The following CCDC68 variants were observed in gnomAD, a reference collection of about 807,000 sequenced individuals.
CCDC68 encodes coiled-coil domain-containing protein 68.
CCDC68 carries 45 observed loss-of-function variants against 47.1 expected under a neutral mutation model. The ratio of observed to expected loss-of-function variants is 0.96; its 90% CI spans 0.75 to 1.23. The LOEUF (loss-of-function observed/expected upper bound fraction) is 1.23. CCDC68 is among the 50% of genes most tolerant of loss of function. The probability of loss-of-function intolerance (pLI) is 0.00; values close to 1 mark genes in which losing one functional copy is unlikely to be tolerated. For missense variants in CCDC68, 353 were observed against 373.6 expected (o/e 0.94, Z 0.45); for synonymous variants, 131 against 129.5 (o/e 1.01, Z -0.08).
intron 3 of CCDC68, among the ~76,000 whole-genome samples, chr18:54,941,455 T>C (rs564333501): frequency 2.6e-5 from 4 of 152,082 alleles, no homozygotes; most frequent in South Asian, 4.1e-4. Context: ...AATTACTACT[T>C]AGTAATCACT....
rs1181494012 is a variant in CCDC68, at chr18:54,902,494, A to G, written c.*1864T>C. ...TTCCTACAAGTGTGCCTGAAAATGT[A>G]TCATGAAGAAATTCTTCAATGTGAC... On this transcript the variant is annotated 3_prime_UTR_variant, in exon 12 of 12. Transcript: ENST00000591504. 1.3e-5 allele frequency: 2 copies of G among 151,440 alleles called. No individual in the cohort carries two copies. The highest frequency in any genetic ancestry group is 3.9e-4 in the East Asian group (2 of 5,186). The allele number at this position is 151,440 out of a possible 1,614,324, so 9.4% of individuals were successfully genotyped here.
Position 54,904,084 on chromosome 18 carries a change from AT to A in CCDC68, c.*273del, listed in dbSNP as rs11298512. 0.66 allele frequency: 152,537 copies of A among 232,332 alleles called. 44,768 individuals carry two copies. The highest frequency in any genetic ancestry group is 0.73 in the Admixed American group (13,317 of 18,210). 14.4% of individuals were successfully genotyped at this position (232,332 alleles called of 1,614,324 possible). ...AAAAAAATCTGAAAACAAGATTCAG[AT>A]TTTTTTTTTTTTTTAATTTAAAGCA... On this transcript the variant is annotated 3_prime_UTR_variant, in exon 12 of 12. Coordinates refer to ENST00000591504, the MANE Select transcript of CCDC68 (RefSeq NM_025214.3).
At chr18:54,945,533 G>A (rs532311944) in intron 1 of CCDC68, 56 bp from the exon 2 acceptor site, 54 of 146,026 alleles carry the variant, frequency 3.7e-4, no homozygotes, top group African/African-American at 1.3e-3. Flanking sequence ...TTGTGAGCTA[G>A]GCTGCAAAAA....
chr18:54,936,531 C>A (rs188360170), intron 6 of CCDC68, among the ~76,000 whole-genome samples: 25 of 152,094 alleles, frequency 1.6e-4, no homozygotes, highest in African/African-American at 5.3e-4. Flanking sequence ...AGAGAAGTTA[C>A]CAGCCCAGCT....
intron 3 of CCDC68, among the ~76,000 whole-genome samples, chr18:54,941,730 C>T (rs190234142): frequency 1.0e-3 from 157 of 152,276 alleles, no homozygotes; most frequent in African/African-American, 3.6e-3. Context: ...TATTCAGCAT[C>T]CTCTTAGACT....
At chr18:54,909,107 T>C (rs1306923657) in intron 10 of CCDC68, among the ~76,000 whole-genome samples, 1 of 152,200 alleles carries the variant, frequency 6.6e-6, no homozygotes, top group East Asian at 1.9e-4. Flanking sequence ...TTTCCTCCTG[T>C]CCAGAGCCAG....
At chr18:54,928,514 C>T (rs1407380950) in intron 8 of CCDC68, among the ~76,000 whole-genome samples, 2 of 152,170 alleles carry the variant, frequency 1.3e-5, no homozygotes, top group Non-Finnish European at 2.9e-5. Flanking sequence ...AGGTGCCAGG[C>T]TCACTCACTC....
chr18:54,941,762 C>A (rs2044441842), intron 3 of CCDC68, among the ~76,000 whole-genome samples: 1 of 151,978 alleles, frequency 6.6e-6, no homozygotes, highest in Non-Finnish European at 1.5e-5. Flanking sequence ...AGAGTAGGAG[C>A]CAGGTTTATA....
At position 54,925,938 on chromosome 18, in the gene CCDC68, T is replaced by C. The variant is rs141771395; in HGVS notation, c.683+2862A>G. 1.3e-4 allele frequency among the ~76,000 whole-genome samples: 20 copies of C among 152,358 alleles called. No homozygotes were observed. The East Asian group carries it at 3.7e-3, about 28-fold the overall frequency. ...TTCAACAAAATTCATGAATGTGTCT[T>C]ACTATTTTCTATAAAATTCTTCTTT... On this transcript the variant is annotated intron_variant, in intron 8 of 11. Coordinates refer to ENST00000591504, the MANE Select transcript of CCDC68 (RefSeq NM_025214.3).
intron 4 of CCDC68, among the ~76,000 whole-genome samples, 153 bp downstream of exon 4, chr18:54,940,844 A>G (rs756932234): frequency 8.5e-5 from 13 of 152,250 alleles, no homozygotes; most frequent in Non-Finnish European, 1.6e-4. Flanking sequence ...TTTGTGGTTA[A>G]ACATTTCACA....
intron 10 of CCDC68, among the ~76,000 whole-genome samples, chr18:54,915,786 G>A (rs374153665): frequency 3.0e-4 from 46 of 152,066 alleles, no homozygotes; most frequent in African/African-American, 1.1e-3. Flanking sequence ...AAAATCAGCC[G>A]AGTGACATGG....
chr18:54,911,346 T>C (rs1345170152), intron 10 of CCDC68, among the ~76,000 whole-genome samples: 2 of 152,156 alleles, frequency 1.3e-5, no homozygotes, highest in Non-Finnish European at 2.9e-5. Flanking sequence ...CCACTGCACC[T>C]GGCCTACAAG....
chr18:54,921,245 C>T (rs1471625122), intron 8 of CCDC68, among the ~76,000 whole-genome samples: 1 of 152,154 alleles, frequency 6.6e-6, no homozygotes, highest in Non-Finnish European at 1.5e-5. Context: ...GAGTGCTATG[C>T]TGGCTACCTA....
At chr18:54,927,909 C>T (rs1178425158) in intron 8 of CCDC68, among the ~76,000 whole-genome samples, 1 of 152,234 alleles carries the variant, frequency 6.6e-6, no homozygotes, top group East Asian at 1.9e-4. Context: ...GGAAAGGAAG[C>T]AGCAGGGAGC....
chr18:54,913,198 T>G (rs1914467488), intron 10 of CCDC68, among the ~76,000 whole-genome samples: 1 of 152,204 alleles, frequency 6.6e-6, no homozygotes, highest in African/African-American at 2.4e-5. Context: ...TAGTCAACAT[T>G]AGCTCTCCTG....
At chr18:54,947,806 G>A (rs1279105577) in intron 1 of CCDC68, among the ~76,000 whole-genome samples, 3 of 152,194 alleles carry the variant, frequency 2.0e-5, no homozygotes, top group Non-Finnish European at 4.4e-5. Flanking sequence ...ACTGGGCTAT[G>A]AAGGAAAAAT....
chr18:54,936,918 T>C lies in CCDC68; in HGVS notation c.386A>G (p.Asn129Ser). Residue 129 changes from asparagine (N) to serine (S), a missense_variant, in exon 6 of 12, where the codon AAC becomes AGC. Asn to Ser is a conservative substitution (Grantham distance 46). Coordinates refer to ENST00000591504, the MANE Select transcript of CCDC68 (RefSeq NM_025214.3). ...SREAGAAALR[N>S]VAQRLFENYQ... ...GTTTTCAAATAATCTCTGGGCCACG[T>C]TTCTCAGAGCTGCTGCTCCTGCTTC... is the stretch of plus-strand genomic sequence containing the variant. 6.2e-7 allele frequency: 1 copy of C among 1,614,164 alleles called. No individual in the cohort carries two copies. Among genetic ancestry groups the C allele is most frequent in the Non-Finnish European group, 8.5e-7 (1 of 1,180,012 alleles).
At chr18:54,955,382 C>T (rs374967166) in intron 1 of CCDC68, among the ~76,000 whole-genome samples, 2 of 151,878 alleles carry the variant, frequency 1.3e-5, no homozygotes, top group African/African-American at 4.8e-5. Flanking sequence ...TTTTTTTTCC[C>T]CCAAAAGGAA....
intron 7 of CCDC68, 65 bp downstream of exon 7, chr18:54,934,755 T>C: frequency 8.7e-7 from 1 of 1,154,164 alleles, no homozygotes; most frequent in Non-Finnish European, 1.2e-6. Context: ...ATTTTAGTAT[T>C]ATTTTATTTC....
Sources: gnomAD v4.1 joint callset for allele counts (sites outside exome capture counted in the v4.1 genomes callset) on GRCh38, gnomAD v4.1.1 for gene constraint, MANE v1.5 for transcripts, NCBI Gene and HGNC (gene_info 2026-07-23, HGNC 2026-07-21) for gene names.